The following TMEM217B variants were observed in gnomAD, a reference collection of about 807,000 sequenced individuals.
TMEM217B encodes putative transmembrane protein 217B.
the TMEM217B span, among the ~76,000 whole-genome samples, chr6:37,250,446 A>C: frequency 2.0e-5 from 3 of 152,320 alleles, no homozygotes; most frequent in South Asian, 6.2e-4. Flanking sequence ...AAATTCTACT[A>C]TAGGTGAGGA....
chr6:37,243,145 T>A, the TMEM217B span, among the ~76,000 whole-genome samples: 2 of 152,096 alleles, frequency 1.3e-5, no homozygotes, highest in Non-Finnish European at 2.9e-5. Flanking sequence ...TGGAAGGAAA[T>A]AACTAATAAA....
At chr6:37,234,854 A>C in the TMEM217B span, among the ~76,000 whole-genome samples, 2 of 152,224 alleles carry the variant, frequency 1.3e-5, no homozygotes, top group African/African-American at 4.8e-5. Flanking sequence ...GAATAGGGAT[A>C]GGGAAGGAAG....
At chr6:37,245,185 A>G in the TMEM217B span, among the ~76,000 whole-genome samples, 1 of 152,226 alleles carries the variant, frequency 6.6e-6, no homozygotes, top group East Asian at 1.9e-4. Flanking sequence ...AATGCAACCA[A>G]TCTACCATAC....
At chr6:37,232,116 G>GGTGAAAT in the TMEM217B span, among the ~76,000 whole-genome samples, 1 of 152,046 alleles carries the variant, frequency 6.6e-6, no homozygotes, top group Admixed American at 6.6e-5. Flanking sequence ...GGGAGAGAGG[G>GGTGAAAT]GTGAAATGGA....
At chr6:37,232,218 A>C in the TMEM217B span, among the ~76,000 whole-genome samples, 1 of 152,188 alleles carries the variant, frequency 6.6e-6, no homozygotes, top group Non-Finnish European at 1.5e-5. Context: ...GTTGATGCAA[A>C]TAGAATTAGA....
chr6:37,248,885 A>G, the TMEM217B span, among the ~76,000 whole-genome samples: 1 of 152,226 alleles, frequency 6.6e-6, no homozygotes, highest in African/African-American at 2.4e-5. Flanking sequence ...TCTGGAGGCT[A>G]GAAGTCCTAA....
At chr6:37,227,549 C>T in the TMEM217B span, among the ~76,000 whole-genome samples, 1 of 152,128 alleles carries the variant, frequency 6.6e-6, no homozygotes, top group East Asian at 1.9e-4. Flanking sequence ...CAGATTCAAG[C>T]AATTCTCCTG....
the TMEM217B span, among the ~76,000 whole-genome samples, chr6:37,242,008 ATTTT>A: frequency 1.5e-5 from 2 of 130,018 alleles, no homozygotes; most frequent in Admixed American, 7.8e-5. Flanking sequence ...TTCGATCTCA[ATTTT>A]TTTTTTTTTT....
chr6:37,237,867 T>C, the TMEM217B span, among the ~76,000 whole-genome samples: 1 of 152,042 alleles, frequency 6.6e-6, no homozygotes, highest in Admixed American at 6.6e-5. Context: ...GCAAGAAAAC[T>C]CTAAAACTGT....
chr6:37,240,675 C>T, the TMEM217B span, among the ~76,000 whole-genome samples: 3 of 151,954 alleles, frequency 2.0e-5, no homozygotes, highest in Non-Finnish European at 2.9e-5. Context: ...AACTTGAGGC[C>T]GGCTATCACA....
the TMEM217B span, among the ~76,000 whole-genome samples, chr6:37,243,489 T>C: frequency 1.3e-5 from 2 of 152,202 alleles, no homozygotes; most frequent in Non-Finnish European, 2.9e-5. Context: ...ACTGAGACCA[T>C]GACACTGCAG....
the TMEM217B span, among the ~76,000 whole-genome samples, chr6:37,228,967 A>C: frequency 6.6e-6 from 1 of 151,968 alleles, no homozygotes; most frequent in Non-Finnish European, 1.5e-5. Flanking sequence ...ACTGCACTCC[A>C]GCCTGGGTGA....
the TMEM217B span, chr6:37,218,738 A>G: frequency 2.5e-6 from 4 of 1,614,140 alleles, no homozygotes; most frequent in Non-Finnish European, 3.4e-6. Flanking sequence ...AATCCAGACA[A>G]TGTAGATGAC....
At chr6:37,250,013 T>C in the TMEM217B span, among the ~76,000 whole-genome samples, 1 of 152,180 alleles carries the variant, frequency 6.6e-6, no homozygotes, top group East Asian at 1.9e-4. Flanking sequence ...CAAATGTCCA[T>C]CAGTAGTAGC....
chr6:37,238,647 T>C, the TMEM217B span, among the ~76,000 whole-genome samples: 1 of 152,190 alleles, frequency 6.6e-6, no homozygotes, highest in Admixed American at 6.5e-5. Flanking sequence ...CACTTCTTCC[T>C]TTTTCTTGCC....
At chr6:37,213,032 T>G in the TMEM217B span, 2 of 1,404,484 alleles carry the variant, frequency 1.4e-6, no homozygotes, top group Non-Finnish European at 1.9e-6. Flanking sequence ...CGTGACAAGA[T>G]GGCAGAGGTA....
the TMEM217B span, among the ~76,000 whole-genome samples, chr6:37,245,322 A>G: frequency 6.6e-6 from 1 of 152,246 alleles, no homozygotes; most frequent in East Asian, 1.9e-4. Context: ...TGAGAGGCTC[A>G]GCACCAGATC....
the TMEM217B span, among the ~76,000 whole-genome samples, chr6:37,252,877 T>A: frequency 6.6e-6 from 1 of 151,816 alleles, no homozygotes; most frequent in African/African-American, 2.4e-5. Context: ...TGAGCTCAAG[T>A]GATCCACCTG....
chr6:37,243,864 C>T, the TMEM217B span, among the ~76,000 whole-genome samples: 9,996 of 152,180 alleles, frequency 0.066, 1,066 homozygotes, highest in African/African-American at 0.22. Flanking sequence ...TCCTTGTGTG[C>T]TGAGTCTGCC....
Sources: gnomAD v4.1 joint callset for allele counts (sites outside exome capture counted in the v4.1 genomes callset) on GRCh38, gnomAD v4.1.1 for gene constraint, MANE v1.5 for transcripts, NCBI Gene and HGNC (gene_info 2026-07-23, HGNC 2026-07-21) for gene names.